ST3GAL3: variants seen among roughly 807,000 people sequenced by gnomAD.
ST3GAL3 encodes the protein CMP-N-acetylneuraminate-beta-1,4-galactoside alpha-2,3-sialyltransferase.
A neutral mutation model predicts 50.1 loss-of-function variants in ST3GAL3; 21 were observed. That is an observed-to-expected ratio of 0.42 (90% CI 0.30 to 0.60). The LOEUF (loss-of-function observed/expected upper bound fraction) is 0.60, where lower values mean the gene tolerates loss of function less well. Among genes scored for constraint, ST3GAL3 ranks in the 20% least tolerant of loss-of-function variants. The pLI is 0.19. For synonymous variants in ST3GAL3, 183 were observed against 190.0 expected, an observed-to-expected ratio of 0.96 and a Z score of 0.30; for missense variants, 353 against 489.4, an observed-to-expected ratio of 0.72 and a Z score of 2.63.
chr1:43,742,657 A>G (rs544244400), intron 2 of ST3GAL3, among the ~76,000 whole-genome samples: 3 of 152,342 alleles, frequency 2.0e-5, no homozygotes, highest in Admixed American at 6.5e-5. Context: ...TTAGCAGACA[A>G]AGTAACTATT....
intron 1 of ST3GAL3, among the ~76,000 whole-genome samples, chr1:43,714,089 C>T (rs1666109917): frequency 6.6e-6 from 1 of 151,556 alleles, no homozygotes; most frequent in South Asian, 2.1e-4. Context: ...TGTGTTGAAA[C>T]CCCGTCTCTA....
intron 9 of ST3GAL3, among the ~76,000 whole-genome samples, chr1:43,901,896 C>T (rs2078336890): frequency 6.6e-6 from 1 of 152,184 alleles, no homozygotes; most frequent in Admixed American, 6.5e-5. Context: ...ATAATTTGGA[C>T]CTTTAGAGTG....
intron 1 of ST3GAL3, among the ~76,000 whole-genome samples, chr1:43,721,716 C>T (rs986079276): frequency 6.6e-6 from 1 of 152,226 alleles, no homozygotes; most frequent in African/African-American, 2.4e-5. Flanking sequence ...ATTCTCCTGC[C>T]TCAGCCTCCT....
Position 43,920,787 on chromosome 1 carries a change from C to T in ST3GAL3, c.897C>T (p.Ile299=), listed in dbSNP as rs766347682. ...FNNGLMGRGN[I]PTLGSVAVTM... ...CCCCTGCCCCCGTCTTCTAGAACAT[C>T]CCTACCCTTGGCAGTGTGGCAGTGA... The change falls in exon 11 of 12, where the codon ATC becomes ATT. Residue 299 remains isoleucine (I), a synonymous_variant. Transcript: ENST00000347631. 6.2e-7 allele frequency: 1 copy of T among 1,614,176 alleles called. No homozygotes were observed. Among genetic ancestry groups the T allele is most frequent in the Non-Finnish European group, 8.5e-7 (1 of 1,180,028 alleles).
At chr1:43,764,770 G>A (rs776801108) in intron 2 of ST3GAL3, among the ~76,000 whole-genome samples, 2 of 152,224 alleles carry the variant, frequency 1.3e-5, no homozygotes, top group Admixed American at 6.5e-5. Context: ...GGGCATGGCC[G>A]TGGGCCAGGC....
At chr1:43,802,043 C>G (rs1210435660) in intron 3 of ST3GAL3, among the ~76,000 whole-genome samples, 1 of 151,874 alleles carries the variant, frequency 6.6e-6, no homozygotes, top group Non-Finnish European at 1.5e-5. Context: ...CTATGATGAG[C>G]AAAATGAAAC....
chr1:43,911,723 T>C (rs1433993166), intron 9 of ST3GAL3, among the ~76,000 whole-genome samples: 1 of 151,128 alleles, frequency 6.6e-6, no homozygotes, highest in Non-Finnish European at 1.5e-5. Context: ...GGTCTGGCTA[T>C]GTCACCCAGG....
At chr1:43,917,616 AT>A (rs1225620852) in intron 9 of ST3GAL3, among the ~76,000 whole-genome samples, 5 of 50,812 alleles carry the variant, frequency 9.8e-5, no homozygotes, top group East Asian at 5.2e-4. Flanking sequence ...TATATTATAT[AT>A]TATATTATAT....
chr1:43,881,257 C>A lies in ST3GAL3; in HGVS notation c.303-13126C>A, dbSNP rs146529819. ...AACTCCCGACCTCAGGTGATCCACC[C>A]GCCTCAGCCTCCCAAAGTGTTGGGA... On this transcript the variant is annotated intron_variant, in intron 5 of 11. Coordinates refer to ENST00000347631, the MANE Select transcript of ST3GAL3 (RefSeq NM_006279.5). Among the ~76,000 whole-genome samples, 3 of 152,180 alleles carry A rather than the reference C, an allele frequency of 2.0e-5. No homozygotes were observed. The South Asian group carries it at 6.2e-4, about 31-fold the overall frequency.
intron 2 of ST3GAL3, among the ~76,000 whole-genome samples, chr1:43,765,407 C>T (rs1018978388): frequency 1.3e-5 from 2 of 152,292 alleles, no homozygotes; most frequent in East Asian, 1.9e-4. Context: ...AGTACTCAGT[C>T]GTGTGGTCCC....
Position 43,722,125 on chromosome 1 carries a change from G to A in ST3GAL3, c.-30-14108G>A, listed in dbSNP as rs16831095. 9.5e-3 allele frequency among the ~76,000 whole-genome samples: 1,446 copies of A among 152,254 alleles called. 19 individuals carry two copies. Among genetic ancestry groups the A allele is most frequent in the African/African-American group, 0.033 (1,385 of 41,546 alleles). Reference sequence around the variant, plus strand: ...TGGGTGTGGTAGGACTATATGACAGGGAAACCTAACCTAAAGCCTGGAGAC... The same window carrying A: ...TGGGTGTGGTAGGACTATATGACAGAGAAACCTAACCTAAAGCCTGGAGAC... On this transcript the variant is annotated intron_variant, in intron 1 of 11. Transcript: ENST00000347631.
chr1:43,824,139 G>T (rs576073828), intron 4 of ST3GAL3, among the ~76,000 whole-genome samples: 5 of 152,286 alleles, frequency 3.3e-5, no homozygotes, highest in Middle Eastern at 6.8e-3. Flanking sequence ...AAGGAAGAGG[G>T]TATGAGTAAG....
chr1:43,894,987 A>G (rs2077195509), intron 6 of ST3GAL3, among the ~76,000 whole-genome samples: 1 of 152,186 alleles, frequency 6.6e-6, no homozygotes, highest in Non-Finnish European at 1.5e-5. Context: ...ACAACAGTGA[A>G]GTAGACAGAT....
chr1:43,810,640 A>G (rs1282848711), intron 3 of ST3GAL3, among the ~76,000 whole-genome samples: 1 of 152,108 alleles, frequency 6.6e-6, no homozygotes, highest in Non-Finnish European at 1.5e-5. Flanking sequence ...GGGAGTCATC[A>G]TTTTCCACAA....
intron 3 of ST3GAL3, among the ~76,000 whole-genome samples, chr1:43,793,334 G>C (rs1316819950): frequency 6.6e-6 from 1 of 151,896 alleles, no homozygotes; most frequent in Non-Finnish European, 1.5e-5. Flanking sequence ...GGGCAAATGG[G>C]GTATCCATTA....
In ST3GAL3 at chr1:43,899,018, C is replaced by G. The variant is rs1264964349; in HGVS notation, c.462-150C>G. ...CTACCCATTGTATGGTTCAGGCCTT[C>G]TCTCAGAAATGCTGCCAGAAGCCCA... On this transcript the variant is annotated intron_variant, in intron 7 of 11. Coordinates refer to ENST00000347631, the MANE Select transcript of ST3GAL3 (RefSeq NM_006279.5). The surrounding 1 kb of genome is among the most constrained non-coding windows in gnomAD (Gnocchi z 5.4). 9.5e-7 allele frequency: 1 copy of G among 1,057,406 alleles called. No individual in the cohort carries two copies. Among genetic ancestry groups the G allele is most frequent in the Non-Finnish European group, 1.4e-6 (1 of 721,632 alleles). 65.5% of individuals were successfully genotyped at this position (1,057,406 alleles called of 1,614,324 possible).
chr1:43,767,108 G>A (rs1693355960), intron 2 of ST3GAL3, among the ~76,000 whole-genome samples: 1 of 152,088 alleles, frequency 6.6e-6, no homozygotes, highest in African/African-American at 2.4e-5. Context: ...GCTAGATTGC[G>A]AGAGAAAGAA....
intron 5 of ST3GAL3, among the ~76,000 whole-genome samples, chr1:43,853,915 T>C (rs1329889443): frequency 6.6e-6 from 1 of 152,148 alleles, no homozygotes; most frequent in Non-Finnish European, 1.5e-5. Context: ...AGGAGACCTA[T>C]TGCACTGCCC....
intron 4 of ST3GAL3, among the ~76,000 whole-genome samples, chr1:43,819,521 A>G (rs977952175): frequency 6.6e-6 from 1 of 152,224 alleles, no homozygotes; most frequent in African/African-American, 2.4e-5. Flanking sequence ...GCTTTGGCCC[A>G]CAAGTGTAGT....
Sources: gnomAD v4.1 joint callset for allele counts (sites outside exome capture counted in the v4.1 genomes callset) on GRCh38, gnomAD v4.1.1 for gene constraint, Gnocchi (gnomAD v3.1) non-coding constraint, MANE v1.5 for transcripts, NCBI Gene and HGNC (gene_info 2026-07-23, HGNC 2026-07-21) for gene names.